Variants in SRBD1 observed in about 807,000 individuals in gnomAD.
The protein encoded by SRBD1 is S1 RNA-binding domain-containing protein 1.
Under a neutral mutation model 115.3 loss-of-function variants are expected in SRBD1, and 88 were observed. That is an observed-to-expected ratio of 0.76 (90% CI 0.64 to 0.91). The LOEUF (loss-of-function observed/expected upper bound fraction) is 0.91. Among genes scored for constraint, SRBD1 ranks in the 40% least tolerant of loss-of-function variants. The probability of loss-of-function intolerance (pLI) is 0.00; values close to 1 mark genes in which losing one functional copy is unlikely to be tolerated. For missense variants in SRBD1, 1,385 were observed against 1,177.4 expected (o/e 1.18, Z -2.58); for synonymous variants, 509 against 407.7 (o/e 1.25, Z -2.99).
Position 45,601,830 on chromosome 2 carries a change from T to C in SRBD1, c.261+73A>G, listed in dbSNP as rs890238057. The C allele has an allele frequency of 2.9e-5, 45 of 1,565,442 alleles. No individual in the cohort carries two copies. In the African/African-American group the frequency reaches 4.8e-4, roughly 17 times the overall value. ...GTCATTTACATGCCTTGTCCTACTC[T>C]GTAGAATAAGAAAATAACATCACCA... On this transcript the variant is annotated intron_variant, in intron 3 of 20. Coordinates refer to ENST00000263736, the MANE Select transcript of SRBD1 (RefSeq NM_018079.5).
intron 14 of SRBD1, among the ~76,000 whole-genome samples, chr2:45,522,901 T>C (rs979367048): frequency 2.6e-5 from 4 of 152,156 alleles, no homozygotes; most frequent in African/African-American, 7.2e-5. Context: ...CAGTAAGCTA[T>C]TACTAGTTTT....
At chr2:45,475,422 C>T (rs868643297) in intron 16 of SRBD1, among the ~76,000 whole-genome samples, 5 of 152,148 alleles carry the variant, frequency 3.3e-5, no homozygotes, top group African/African-American at 1.2e-4. Flanking sequence ...TGTGCCACCC[C>T]CCCTTGCTTA....
intron 8 of SRBD1, 102 bp from the exon 9 acceptor site, chr2:45,573,444 C>A: frequency 2.2e-6 from 3 of 1,387,910 alleles, no homozygotes; most frequent in Non-Finnish European, 2.8e-6. Flanking sequence ...AAGCCATTAC[C>A]AAGTGAGTTT....
chr2:45,496,147 T>G (rs1670451984), intron 14 of SRBD1, among the ~76,000 whole-genome samples: 1 of 152,226 alleles, frequency 6.6e-6, no homozygotes, highest in South Asian at 2.1e-4. Context: ...TCATTTTGCA[T>G]CATTTACTCT....
chr2:45,414,923 G>C (rs1259251680), intron 18 of SRBD1, among the ~76,000 whole-genome samples: 1 of 66,306 alleles, frequency 1.5e-5, no homozygotes, highest in Admixed American at 1.4e-4. Flanking sequence ...TATATAGTAT[G>C]TACACACACA....
At chr2:45,573,159 A>G in intron 9 of SRBD1, 48 bp downstream of exon 9, 1 of 1,525,212 alleles carries the variant, frequency 6.6e-7, no homozygotes, top group Non-Finnish European at 8.8e-7. Flanking sequence ...AATCCAAAAT[A>G]TTATCATTAT....
chr2:45,477,156 A>G, intron 15 of SRBD1, 81 bp from the exon 16 acceptor site: 1 of 1,133,120 alleles, frequency 8.8e-7, no homozygotes. Context: ...GTTTCTCATA[A>G]TGTAAGTACT....
At chr2:45,510,579 G>A (rs72880690) in intron 14 of SRBD1, among the ~76,000 whole-genome samples, 4,420 of 152,260 alleles carry the variant, frequency 0.029, 185 homozygotes, top group African/African-American at 0.1. Context: ...TTTATAAAGT[G>A]CTGTTTCAAA....
At position 45,585,651 on chromosome 2, in the gene SRBD1, C is replaced by G; in HGVS notation, c.772G>C (p.Ala258Pro). 6.2e-7 allele frequency: 1 copy of G among 1,612,034 alleles called. No homozygotes were observed. Among genetic ancestry groups the G allele is most frequent in the Non-Finnish European group, 8.5e-7 (1 of 1,179,462 alleles). Reference sequence around the variant, plus strand: ...TGCTGAACTTCTCTCAAGGAATCAGCATCAAGGTTATTAATGAGCTCTTTT... The same window carrying G: ...TGCTGAACTTCTCTCAAGGAATCAGGATCAAGGTTATTAATGAGCTCTTTT... ...YRKELINNLD[A>P]DSLREVQQTL... Residue 258 changes from alanine (A) to proline (P), a missense_variant, in exon 5 of 21, where the codon GCT becomes CCT. By Grantham distance (27) the Ala-to-Pro change is conservative. Coordinates refer to ENST00000263736, the MANE Select transcript of SRBD1 (RefSeq NM_018079.5).
chr2:45,595,018 A>G (rs1018247044), intron 4 of SRBD1, among the ~76,000 whole-genome samples: 2 of 152,200 alleles, frequency 1.3e-5, no homozygotes, highest in Non-Finnish European at 2.9e-5. Flanking sequence ...TGCTTTCATT[A>G]GTCCTATCTA....
intron 15 of SRBD1, 90 bp from the exon 16 acceptor site, chr2:45,477,165 C>T: frequency 1.9e-6 from 2 of 1,027,192 alleles, no homozygotes; most frequent in South Asian, 1.4e-5. Context: ...AATGTAAGTA[C>T]TTAATCCTGT....
At chr2:45,532,785 T>C (rs1671652552) in intron 14 of SRBD1, among the ~76,000 whole-genome samples, 1 of 151,726 alleles carries the variant, frequency 6.6e-6, no homozygotes, top group African/African-American at 2.4e-5. Flanking sequence ...ATACACAGAA[T>C]CAAAAGGTTT....
rs752155294 is a variant in SRBD1 at position 45,419,798 on chromosome 2, C to T, written c.2146G>A (p.Val716Ile). 6.2e-7 allele frequency: 1 copy of T among 1,613,692 alleles called. No homozygotes were observed. Among genetic ancestry groups the T allele is most frequent in the Non-Finnish European group, 8.5e-7 (1 of 1,179,756 alleles). The change falls in exon 17 of 21, where the codon GTT becomes ATT. Residue 716 changes from valine to isoleucine, a missense_variant. By Grantham distance (29) the Val-to-Ile change is conservative. Transcript: ENST00000263736. ...ACATATTTGTCTCACCTTAACAAAA[C>T]TTCTGAACAGATGTTAATATCCACT... ...VGVDINICSE[V>I]LLRHIAGLNA...
intron 19 of SRBD1, among the ~76,000 whole-genome samples, chr2:45,401,214 G>A (rs1280812823): frequency 6.6e-6 from 1 of 152,168 alleles, no homozygotes; most frequent in Non-Finnish European, 1.5e-5. Flanking sequence ...TAGGGAGGGT[G>A]AGGAGTAGGG....
At chr2:45,556,084 G>C (rs1041994597) in intron 10 of SRBD1, among the ~76,000 whole-genome samples, 3 of 152,082 alleles carry the variant, frequency 2.0e-5, no homozygotes, top group Admixed American at 6.5e-5. Flanking sequence ...TTACATAATA[G>C]CAACTAACTG....
intron 16 of SRBD1, among the ~76,000 whole-genome samples, chr2:45,423,715 C>T (rs779681387): frequency 6.6e-6 from 1 of 152,014 alleles, no homozygotes; most frequent in East Asian, 1.9e-4. Context: ...TACCCTGATA[C>T]CAAAGCCAAA....
intron 14 of SRBD1, among the ~76,000 whole-genome samples, chr2:45,521,685 C>T (rs1671287490): frequency 6.6e-6 from 1 of 151,986 alleles, no homozygotes. Flanking sequence ...AGGTATATAT[C>T]CAAAAGGATT....
intron 6 of SRBD1, 109 bp downstream of exon 6, chr2:45,581,584 T>A (rs1673365634): frequency 1.4e-6 from 1 of 726,688 alleles, no homozygotes; most frequent in Admixed American, 2.6e-5. Flanking sequence ...CATTAAATAA[T>A]GGTGGCTAAT....
At chr2:45,606,868 T>G (rs1674290390) in intron 1 of SRBD1, among the ~76,000 whole-genome samples, 1 of 152,208 alleles carries the variant, frequency 6.6e-6, no homozygotes, top group African/African-American at 2.4e-5. Context: ...TTAAACAAGT[T>G]TCTGACCCAG....
Sources: gnomAD v4.1 joint callset for allele counts (sites outside exome capture counted in the v4.1 genomes callset) on GRCh38, gnomAD v4.1.1 for gene constraint, MANE v1.5 for transcripts, NCBI Gene and HGNC (gene_info 2026-07-23, HGNC 2026-07-21) for gene names.